Variants in ANAPC5 observed in about 807,000 individuals in gnomAD.
ANAPC5 encodes the protein anaphase promoting complex subunit 5.
ANAPC5 carries 60 observed loss-of-function variants against 91.3 expected under a neutral mutation model. That is an observed-to-expected ratio of 0.66 (90% confidence interval 0.53 to 0.81). ANAPC5 has a LOEUF of 0.81. ANAPC5 is among the 40% of genes least tolerant of loss of function. The probability of loss-of-function intolerance (pLI) is 0.00; values close to 1 mark genes in which losing one functional copy is unlikely to be tolerated. For missense variants in ANAPC5, 690 were observed against 931.5 expected, an observed-to-expected ratio of 0.74 and a Z score of 3.37; for synonymous variants, 340 against 364.1, an observed-to-expected ratio of 0.93 and a Z score of 0.75.
chr12:121,331,144 T>A (rs1300865824), intron 8 of ANAPC5: 1 of 507,770 alleles, frequency 2.0e-6, no homozygotes, highest in African/African-American at 1.9e-5. Flanking sequence ...AGCAGATATA[T>A]GCCAAAAGCA....
Position 121,335,661 on chromosome 12 carries a change from G to T in ANAPC5, c.822C>A (p.Leu274=), listed in dbSNP as rs199651766. 1.2e-6 allele frequency: 2 copies of T among 1,613,928 alleles called. No homozygotes were observed. The highest frequency in any genetic ancestry group is 4.5e-5 in the East Asian group (2 of 44,876). The change falls in exon 7 of 17, where the codon CTC becomes CTA. Residue 274 remains leucine, a synonymous_variant. Transcript: ENST00000261819. The part of the protein sequence containing the change: ...VQDVFSSTHS[L]LHYFDRLILT... ...GAATCAGACGATCAAAATAATGGAG[G>T]AGACTGTGTGTTGAACTGAAAACAT...
rs190651527 is a variant in ANAPC5 at position 121,315,769 on chromosome 12, G to A, written c.1893+2508C>T. Among the ~76,000 whole-genome samples, 227 of 152,216 alleles carry A rather than the reference G, an allele frequency of 1.5e-3. 2 individuals are homozygous for A. Among genetic ancestry groups the A allele is most frequent in the African/African-American group, 5.3e-3 (222 of 41,534 alleles). On this transcript the variant is annotated intron_variant, in intron 15 of 16. Coordinates refer to ENST00000261819, the MANE Select transcript of ANAPC5 (RefSeq NM_016237.5). Reference sequence around the variant, plus strand: ...CCGTATGCAGAAGAATAAGAGTGGAGCCCTATCTCATAGTATATACAAAAA... The same window carrying A: ...CCGTATGCAGAAGAATAAGAGTGGAACCCTATCTCATAGTATATACAAAAA...
In ANAPC5 at chr12:121,352,368, G is replaced by T; in HGVS notation, c.-28C>A. On this transcript the variant is annotated 5_prime_UTR_variant, in exon 1 of 17. Coordinates refer to ENST00000261819, the MANE Select transcript of ANAPC5 (RefSeq NM_016237.5). ...CGGCCCGAGACTAAGTCTCGGGCCCGCGGCGCGCTGCCGCCAGTTGTCACC... is the reference window on the plus strand; with the variant it reads ...CGGCCCGAGACTAAGTCTCGGGCCCTCGGCGCGCTGCCGCCAGTTGTCACC... The T allele has an allele frequency of 6.4e-7, 1 of 1,564,562 alleles. No individual in the cohort carries two copies. The highest frequency in any genetic ancestry group is 1.1e-5 in the South Asian group (1 of 88,118).
chr12:121,347,233 C>G (rs1020912846), intron 2 of ANAPC5: 2 of 487,482 alleles, frequency 4.1e-6, no homozygotes, highest in African/African-American at 4.0e-5. Flanking sequence ...ATCACATCAA[C>G]CAATAAACAT....
chr12:121,353,389 T>C (rs1315157366), upstream of ANAPC5, among the ~76,000 whole-genome samples: 1 of 152,164 alleles, frequency 6.6e-6, no homozygotes, highest in Non-Finnish European at 1.5e-5. Context: ...AAAAACCACA[T>C]ACCATTCAAC....
intron 8 of ANAPC5, 29 bp downstream of exon 8, chr12:121,331,318 A>C: frequency 6.4e-7 from 1 of 1,565,772 alleles, no homozygotes; most frequent in African/African-American, 1.3e-5. Flanking sequence ...CCCGTGAACA[A>C]AACTCCCAAG....
In ANAPC5 at chr12:121,308,697, G is replaced by A. The variant is rs199705811; in HGVS notation, c.2057-6C>T. ...CTCGATGGCAGCCTCCAGAGCTGAC[G>A]GAAAGGGGAAAATAACACACACATT... On this transcript the variant is annotated splice_region_variant and splice_polypyrimidine_tract_variant and intron_variant, in intron 16 of 16. Coordinates refer to ENST00000261819, the MANE Select transcript of ANAPC5 (RefSeq NM_016237.5). 227 of 1,612,162 alleles carry A rather than the reference G, an allele frequency of 1.4e-4. No homozygotes were observed. The highest frequency in any genetic ancestry group is 2.8e-4 in the Admixed American group (17 of 60,008).
Position 121,352,236 on chromosome 12 carries a change from G to A in ANAPC5, c.105C>T (p.Ile35=), listed in dbSNP as rs782549649. ...TCTCGTTCAGCAGCACCAGCACCGC[G>A]ATCTTGTACGGCGTCACCCAGTCCT... The part of the protein sequence containing the change: ...GIKDWVTPYK[I]AVLVLLNEMS... Residue 35 remains isoleucine (I), a synonymous_variant, in exon 1 of 17, where the codon ATC becomes ATT. Transcript: ENST00000261819. 4 of 1,614,178 alleles carry A rather than the reference G, an allele frequency of 2.5e-6. No individual in the cohort carries two copies. Among genetic ancestry groups the A allele is most frequent in the Non-Finnish European group, 2.5e-6 (3 of 1,180,012 alleles).
chr12:121,318,222 A>G (rs1902448651), intron 15 of ANAPC5, 55 bp downstream of exon 15: 1 of 1,466,542 alleles, frequency 6.8e-7, no homozygotes, highest in Non-Finnish European at 9.0e-7. Flanking sequence ...ACGTAGTCAC[A>G]GACTCACCAG....
chr12:121,340,831 A>G (rs556135008), intron 5 of ANAPC5, among the ~76,000 whole-genome samples: 31 of 151,638 alleles, frequency 2.0e-4, no homozygotes, highest in Admixed American at 1.3e-3. Flanking sequence ...AAGTGCTGGG[A>G]TTACAGGCGT....
chr12:121,347,521 C>T, intron 2 of ANAPC5: 1 of 379,608 alleles, frequency 2.6e-6, no homozygotes, highest in Middle Eastern at 7.9e-4. Flanking sequence ...GTCCCAGCTA[C>T]TTGGGAGTCT....
intron 15 of ANAPC5, among the ~76,000 whole-genome samples, chr12:121,313,018 C>G (rs950920281): frequency 6.6e-6 from 1 of 152,152 alleles, no homozygotes; most frequent in African/African-American, 2.4e-5. Flanking sequence ...ATAAGCGAAT[C>G]TTCCACCTTA....
intron 12 of ANAPC5, 136 bp from the exon 13 acceptor site, chr12:121,319,954 T>A (rs2942065): frequency 0.14 from 115,890 of 857,844 alleles, 17,704 homozygotes; most frequent in African/African-American, 0.66. Context: ...GGATTTAAAA[T>A]TTTTTTAAAA....
In ANAPC5 at chr12:121,351,984, T is replaced by C. The variant is rs1903909019; in HGVS notation, c.207+150A>G. 9.3e-6 allele frequency: 7 copies of C among 756,148 alleles called. No homozygotes were observed. In the East Asian group the frequency reaches 1.7e-4, roughly 18 times the overall value. The allele number at this position is 756,148 out of a possible 1,614,324, so 46.8% of individuals were successfully genotyped here. A position where few individuals can be genotyped will look rare whatever the true frequency, so the allele number is the denominator to read the frequency against. On this transcript the variant is annotated intron_variant, in intron 1 of 16. Coordinates refer to ENST00000261819, the MANE Select transcript of ANAPC5 (RefSeq NM_016237.5). ...CCGTAAACGCTCAGTACGTGTTAGC[T>C]ACCGGTAGTAGCTATCTTTATTTCT...
intron 15 of ANAPC5, among the ~76,000 whole-genome samples, chr12:121,311,758 A>G (rs2948123): frequency 0.28 from 42,031 of 152,060 alleles, 10,328 homozygotes; most frequent in African/African-American, 0.66. Context: ...ACTTGAGCTC[A>G]GGCAGTTGAG....
chr12:121,352,284 C>A lies in ANAPC5; in HGVS notation c.57G>T (p.Val19=). 1 of 1,614,048 alleles carries A rather than the reference C, an allele frequency of 6.2e-7. No individual in the cohort carries two copies. Among genetic ancestry groups the A allele is most frequent in the Non-Finnish European group, 8.5e-7 (1 of 1,179,910 alleles). ...YFNPMMTNGV[V]HANVFGIKDW... is the part of the protein sequence containing the mutation. The stretch of plus-strand genomic sequence containing the variant: ...CCTTGATGCCGAACACATTGGCGTG[C>A]ACAACCCCATTGGTCATCATGGGAT... The change falls in exon 1 of 17, where the codon GTG becomes GTT. Residue 19 remains valine, a synonymous_variant. Transcript: ENST00000261819.
intron 4 of ANAPC5, among the ~76,000 whole-genome samples, chr12:121,343,490 C>A (rs781958501): frequency 3.9e-5 from 6 of 152,186 alleles, no homozygotes; most frequent in Non-Finnish European, 7.3e-5. Flanking sequence ...GTCTCAGAGA[C>A]CAAAGGCAGA....
intron 13 of ANAPC5, among the ~76,000 whole-genome samples, chr12:121,319,114 A>AACACAC (rs144370647): frequency 2.6e-5 from 3 of 114,592 alleles, no homozygotes; most frequent in Admixed American, 2.3e-4. Flanking sequence ...TGTATACACA[A>AACACAC]ACACACACAC....
At chr12:121,335,836 A>G in intron 6 of ANAPC5, 113 bp from the exon 7 acceptor site, 1 of 832,804 alleles carries the variant, frequency 1.2e-6, no homozygotes, top group Non-Finnish European at 1.8e-6. Context: ...CCCTTCTAAT[A>G]AGATGGTCAT....
Sources: allele counts gnomAD v4.1 joint callset (sites outside exome capture counted in the v4.1 genomes callset), GRCh38; gene constraint gnomAD v4.1.1; transcripts MANE v1.5; gene names NCBI Gene and HGNC (gene_info 2026-07-23, HGNC 2026-07-21).